ZNF577: variants seen among roughly 807,000 people sequenced by gnomAD.
The protein encoded by ZNF577 is zinc finger protein 577.
A neutral mutation model predicts 13.9 loss-of-function variants in ZNF577; 14 were observed. The observed-to-expected ratio is 1.00, with a 90% CI of 0.66 to 1.57. The LOEUF (loss-of-function observed/expected upper bound fraction) is 1.57, where lower values mean the gene tolerates loss of function less well. Ranked by LOEUF, ZNF577 falls within the 40% of genes most tolerant of loss-of-function variation. The probability of loss-of-function intolerance (pLI) is 0.00; values close to 1 mark genes in which losing one functional copy is unlikely to be tolerated. For missense variants in ZNF577, 555 were observed against 579.2 expected, an observed-to-expected ratio of 0.96 and a Z score of 0.43; for synonymous variants, 203 against 202.9, an observed-to-expected ratio of 1.00 and a Z score of 0.00.
chr19:51,823,896 G>A, intron 9 of ZNF577: 1 of 1,614,120 alleles, frequency 6.2e-7, no homozygotes, highest in Non-Finnish European at 8.5e-7. Context: ...TGTGATCTGG[G>A]TGGCTGGATT....
Position 51,841,893 on chromosome 19 carries a change from C to CA in ZNF577, c.*374+927dup, listed in dbSNP as rs554398640. Among the ~76,000 whole-genome samples the CA allele has an allele frequency of 1.6e-4, 25 of 152,082 alleles. No individual in the cohort carries two copies. The East Asian group carries it at 4.1e-3, about 25-fold the overall frequency. Reference sequence around the variant, plus strand: ...CACATTAGTTCTAGAGAATAACAAACAAAAAACAATGAATTCTACCATTAT... The same window carrying CA: ...CACATTAGTTCTAGAGAATAACAAACAAAAAAACAATGAATTCTACCATTAT... On this transcript the variant is annotated intron_variant and NMD_transcript_variant, in intron 8 of 10. Coordinates refer to the ZNF577 transcript ENST00000638827.
chr19:51,823,061 C>A (rs1287798868), intron 9 of ZNF577, among the ~76,000 whole-genome samples: 1 of 152,072 alleles, frequency 6.6e-6, no homozygotes, highest in Non-Finnish European at 1.5e-5. Flanking sequence ...TGGAGTTTCA[C>A]CATGTTGGCC....
At position 51,815,534 on chromosome 19, in the gene ZNF577, A is replaced by C. The variant is rs373813154; in HGVS notation, c.*600-3860T>G. Among the ~76,000 whole-genome samples, 12 of 148,590 alleles carry C rather than the reference A, an allele frequency of 8.1e-5. No homozygotes were observed. In the East Asian group the frequency reaches 1.8e-3, roughly 22 times the overall value. On this transcript the variant is annotated intron_variant and NMD_transcript_variant, in intron 9 of 10. Transcript: ENST00000638827. ...CAGTGAGCCAAGATCCCGCCACTGC[A>C]CTCCAGCCTGAGGGACAGGGTGAGA...
At chr19:51,874,358 G>A (rs1411249549) in intron 5 of ZNF577, among the ~76,000 whole-genome samples, 1 of 152,046 alleles carries the variant, frequency 6.6e-6, no homozygotes. Context: ...GTGAAGAACA[G>A]TACAAAGGAA....
At chr19:51,837,001 G>A (rs1278278686) in intron 9 of ZNF577, among the ~76,000 whole-genome samples, 7 of 144,070 alleles carry the variant, frequency 4.9e-5, no homozygotes, top group South Asian at 4.4e-4. Flanking sequence ...CCCAGAGGGC[G>A]CCACTGCACC....
chr19:51,837,471 G>C (rs1167632422), intron 9 of ZNF577, among the ~76,000 whole-genome samples: 1 of 152,130 alleles, frequency 6.6e-6, no homozygotes, highest in Non-Finnish European at 1.5e-5. Context: ...ACAGCAAATG[G>C]CTGGTAGGTT....
intron 5 of ZNF577, among the ~76,000 whole-genome samples, chr19:51,852,933 C>CTTT (rs112665914): frequency 0.02 from 2,863 of 143,958 alleles, 99 homozygotes; most frequent in African/African-American, 0.064. Context: ...GTTTTCTTTT[C>CTTT]TTTTTTTTTT....
chr19:51,872,246 C>G lies in ZNF577; in HGVS notation c.*286G>C. On this transcript the variant is annotated 3_prime_UTR_variant, in exon 6 of 6. Coordinates refer to ENST00000638348, the MANE Select transcript of ZNF577 (RefSeq NM_001370449.1). The stretch of plus-strand genomic sequence containing the variant: ...CAGTTGTCTATGTTTCTTTGGCACA[C>G]GAGGCACAATTTAGCGCTAAAAGCA... The G allele has an allele frequency of 4.0e-6, 1 of 251,372 alleles. No homozygotes were observed. Among genetic ancestry groups the G allele is most frequent in the Non-Finnish European group, 7.6e-6 (1 of 132,450 alleles). The allele number at this position is 251,372 out of a possible 1,614,324, so 15.6% of individuals were successfully genotyped here. A position where few individuals can be genotyped will look rare whatever the true frequency, so the allele number is the denominator to read the frequency against.
intron 1 of ZNF577, chr19:51,886,598 A>G (rs1323305292): frequency 6.6e-6 from 1 of 152,246 alleles, no homozygotes; most frequent in Non-Finnish European, 1.5e-5. Context: ...AGAGAAAAAA[A>G]TAAATGAAAA....
At chr19:51,827,106 A>T (rs2084236102) in intron 9 of ZNF577, among the ~76,000 whole-genome samples, 1 of 151,970 alleles carries the variant, frequency 6.6e-6, no homozygotes. Context: ...CAGAATTCAG[A>T]CTCCTTGAAT....
chr19:51,860,312 G>A (rs1008566208), intron 5 of ZNF577: 1 of 152,196 alleles, frequency 6.6e-6, no homozygotes, highest in Non-Finnish European at 1.5e-5. Flanking sequence ...TTAAAAGCTT[G>A]TGATGTTTAA....
chr19:51,850,536 TC>T (rs2084374326), intron 5 of ZNF577, among the ~76,000 whole-genome samples: 1 of 152,230 alleles, frequency 6.6e-6, no homozygotes, highest in Non-Finnish European at 1.5e-5. Flanking sequence ...ATGCAGTTCA[TC>T]CCTCTACTGA....
At chr19:51,809,574 A>C (rs2084083562) in intron 10 of ZNF577, among the ~76,000 whole-genome samples, 1 of 152,194 alleles carries the variant, frequency 6.6e-6, no homozygotes, top group Non-Finnish European at 1.5e-5. Flanking sequence ...ATATTGTCCC[A>C]GCTCAAAACC....
chr19:51,878,084 G>A (rs1329893052), intron 4 of ZNF577: 1 of 187,006 alleles, frequency 5.3e-6, no homozygotes, highest in African/African-American at 2.3e-5. Flanking sequence ...AAAGTGAATG[G>A]TGGTCACCAG....
At chr19:51,805,548 C>T (rs1367705983) in intron 10 of ZNF577, among the ~76,000 whole-genome samples, 1 of 152,186 alleles carries the variant, frequency 6.6e-6, no homozygotes, top group Non-Finnish European at 1.5e-5. Flanking sequence ...TACACAAATA[C>T]GAGTGTGATT....
At chr19:51,826,630 G>A (rs1017905221) in intron 9 of ZNF577, among the ~76,000 whole-genome samples, 1 of 152,214 alleles carries the variant, frequency 6.6e-6, no homozygotes, top group Non-Finnish European at 1.5e-5. Context: ...AGTTTACTGA[G>A]ACTGTAGTAT....
downstream of ZNF577, chr19:51,862,502 TTC>T (rs2084513936): frequency 6.3e-6 from 1 of 158,828 alleles, no homozygotes; most frequent in African/African-American, 2.5e-5. Flanking sequence ...CCTGTGTGAG[TTC>T]TCTGATGTAT....
At chr19:51,841,202 T>C (rs1477802819) in intron 8 of ZNF577, among the ~76,000 whole-genome samples, 1 of 152,158 alleles carries the variant, frequency 6.6e-6, no homozygotes. Flanking sequence ...CCTGGGAACA[T>C]GTCCCCCCAG....
At chr19:51,835,301 A>G (rs1002266666) in intron 9 of ZNF577, among the ~76,000 whole-genome samples, 2 of 152,094 alleles carry the variant, frequency 1.3e-5, no homozygotes, top group African/African-American at 4.8e-5. Context: ...ATTTAGATGA[A>G]ATGGACAAAT....
Sources: allele counts gnomAD v4.1 joint callset (sites outside exome capture counted in the v4.1 genomes callset), GRCh38; gene constraint gnomAD v4.1.1; transcripts MANE v1.5; gene names NCBI Gene and HGNC (gene_info 2026-07-23, HGNC 2026-07-21).